BMPER: variants seen among roughly 807,000 people sequenced by gnomAD.
The protein encoded by BMPER is BMP-binding endothelial regulator protein.
BMPER carries 45 observed loss-of-function variants against 87.3 expected under a neutral mutation model. The ratio of observed to expected loss-of-function variants is 0.52; its 90% confidence interval spans 0.41 to 0.66. The LOEUF (loss-of-function observed/expected upper bound fraction) is 0.66, where lower values mean the gene tolerates loss of function less well. BMPER is among the 30% of genes least tolerant of loss of function. The pLI is 0.00. For synonymous variants in BMPER, 326 were observed against 316.2 expected, an observed-to-expected ratio of 1.03 and a Z score of -0.33; for missense variants, 784 against 867.5, an observed-to-expected ratio of 0.90 and a Z score of 1.21.
intron 2 of BMPER, chr7:33,921,711 G>A (rs967128721): frequency 1.3e-5 from 6 of 470,704 alleles, no homozygotes; most frequent in African/African-American, 2.0e-5. Context: ...GTTTCCTGTG[G>A]TCTTTCTGGG....
At chr7:33,973,063 T>G (rs867998922) in intron 5 of BMPER, among the ~76,000 whole-genome samples, 2 of 152,230 alleles carry the variant, frequency 1.3e-5, no homozygotes, top group Admixed American at 6.5e-5. Flanking sequence ...GAAGCAGATT[T>G]TAGGGCATTC....
chr7:34,049,668 C>A (rs940238062), intron 7 of BMPER, among the ~76,000 whole-genome samples: 4 of 152,042 alleles, frequency 2.6e-5, no homozygotes, highest in Non-Finnish European at 4.4e-5. Flanking sequence ...TATCTTCTGC[C>A]TTTTGCCAAC....
intron 13 of BMPER, among the ~76,000 whole-genome samples, chr7:34,130,186 G>GTC (rs10583920): frequency 1.4e-3 from 209 of 149,346 alleles, no homozygotes; most frequent in Middle Eastern, 7.0e-3. Flanking sequence ...TCTTGATTCT[G>GTC]TCTCTCTCTC....
intron 3 of BMPER, among the ~76,000 whole-genome samples, chr7:33,939,268 C>G (rs1243368286): frequency 6.6e-6 from 1 of 152,132 alleles, no homozygotes; most frequent in African/African-American, 2.4e-5. Flanking sequence ...CCTTTATCAC[C>G]ACCCTTTCCT....
intron 6 of BMPER, among the ~76,000 whole-genome samples, chr7:34,043,623 G>C (rs987091063): frequency 6.6e-6 from 1 of 152,146 alleles, no homozygotes; most frequent in African/African-American, 2.4e-5. Flanking sequence ...ACCTTAGCAG[G>C]GGTGGGGCAT....
chr7:34,039,086 G>A (rs972368965), intron 6 of BMPER, among the ~76,000 whole-genome samples: 11 of 152,194 alleles, frequency 7.2e-5, no homozygotes, highest in African/African-American at 2.4e-4. Context: ...AGTGAATTGA[G>A]GCCTGTTCTT....
At chr7:34,032,749 C>T (rs754329815) in intron 6 of BMPER, among the ~76,000 whole-genome samples, 6 of 152,124 alleles carry the variant, frequency 3.9e-5, no homozygotes, top group Non-Finnish European at 8.8e-5. Context: ...ATTCATCAGA[C>T]CCTCCAAGAA....
intron 14 of BMPER, among the ~76,000 whole-genome samples, chr7:34,147,431 G>A (rs560747983): frequency 1.3e-5 from 2 of 152,258 alleles, no homozygotes; most frequent in African/African-American, 2.4e-5. Context: ...GAGAATAAAT[G>A]CACTCTAATC....
Position 34,087,319 on chromosome 7 carries a change from C to T in BMPER, c.1745+1227C>T, listed in dbSNP as rs912349702. Reference sequence around the variant, plus strand: ...GTCTAGTGAAACTGAGGGATCTTAACGTGAGACTTTGCAGTGAGTTAAACA... The same window carrying T: ...GTCTAGTGAAACTGAGGGATCTTAATGTGAGACTTTGCAGTGAGTTAAACA... On this transcript the variant is annotated intron_variant, in intron 13 of 14. Coordinates refer to ENST00000649409, the MANE Select transcript of BMPER (RefSeq NM_001365308.1). Among the ~76,000 whole-genome samples the T allele has an allele frequency of 3.9e-5, 6 of 152,268 alleles. No individual in the cohort carries two copies. In the East Asian group the frequency reaches 7.7e-4, roughly 20 times the overall value.
intron 6 of BMPER, among the ~76,000 whole-genome samples, chr7:34,007,069 A>T (rs1328427248): frequency 6.6e-6 from 1 of 152,114 alleles, no homozygotes; most frequent in African/African-American, 2.4e-5. Flanking sequence ...GAATGAGGGC[A>T]ATAAGCCTTG....
intron 8 of BMPER, among the ~76,000 whole-genome samples, chr7:34,052,669 G>C (rs1053590908): frequency 6.6e-6 from 1 of 152,202 alleles, no homozygotes; most frequent in Non-Finnish European, 1.5e-5. Flanking sequence ...CACTTTGGTG[G>C]TGATGGTTGT....
chr7:34,010,399 A>G (rs781154276), intron 6 of BMPER, among the ~76,000 whole-genome samples: 2 of 151,948 alleles, frequency 1.3e-5, no homozygotes, highest in African/African-American at 2.4e-5. Context: ...CATATTTAAA[A>G]TTACTTGTTG....
intron 3 of BMPER, among the ~76,000 whole-genome samples, chr7:33,965,456 T>C (rs1285062278): frequency 6.6e-6 from 1 of 152,158 alleles, no homozygotes; most frequent in East Asian, 1.9e-4. Flanking sequence ...CTCTCTTCTG[T>C]CTTGGACAAG....
intron 3 of BMPER, among the ~76,000 whole-genome samples, chr7:33,944,038 T>C (rs1466588219): frequency 6.6e-6 from 1 of 152,212 alleles, no homozygotes; most frequent in Non-Finnish European, 1.5e-5. Context: ...TTTGGTCCAG[T>C]ATTGCAGAAC....
chr7:33,998,927 C>G (rs866124443), intron 6 of BMPER, among the ~76,000 whole-genome samples: 11 of 152,072 alleles, frequency 7.2e-5, no homozygotes, highest in Non-Finnish European at 1.6e-4. Flanking sequence ...GGAGAGAAGC[C>G]TCTAGTGTTG....
chr7:33,925,749 C>G (rs1784342414), intron 2 of BMPER, among the ~76,000 whole-genome samples: 1 of 152,154 alleles, frequency 6.6e-6, no homozygotes, highest in Non-Finnish European at 1.5e-5. Flanking sequence ...AGTGAGGTTG[C>G]TACACTTCAC....
At chr7:33,941,628 T>G (rs888074915) in intron 3 of BMPER, among the ~76,000 whole-genome samples, 1 of 152,174 alleles carries the variant, frequency 6.6e-6, no homozygotes, top group African/African-American at 2.4e-5. Context: ...ATGACACGCA[T>G]GTGCAGTTCA....
At chr7:33,961,676 C>T (rs939005500) in intron 3 of BMPER, among the ~76,000 whole-genome samples, 7 of 152,130 alleles carry the variant, frequency 4.6e-5, no homozygotes, top group Admixed American at 2.0e-4. Context: ...CAGACAATAA[C>T]GACTGAGTGT....
At chr7:34,046,949 T>C (rs991035403) in intron 7 of BMPER, among the ~76,000 whole-genome samples, 2 of 151,754 alleles carry the variant, frequency 1.3e-5, no homozygotes, top group African/African-American at 4.8e-5. Flanking sequence ...TCTCATTTTA[T>C]CTTCTTAAGA....
Sources: gnomAD v4.1 joint callset for allele counts (sites outside exome capture counted in the v4.1 genomes callset) on GRCh38, gnomAD v4.1.1 for gene constraint, MANE v1.5 for transcripts, NCBI Gene and HGNC (gene_info 2026-07-23, HGNC 2026-07-21) for gene names.